CADM3: variants seen among roughly 807,000 people sequenced by gnomAD.
The protein encoded by CADM3 is cell adhesion molecule 3, also known as TSLC1-like 1.
A neutral mutation model predicts 44.9 loss-of-function variants in CADM3; 11 were observed. That is an observed-to-expected ratio of 0.25 (90% CI 0.15 to 0.41). CADM3 has a LOEUF of 0.41. Ranked by LOEUF, CADM3 falls within the 10% of genes least tolerant of loss-of-function variation. The pLI is 1.00. For missense variants in CADM3, 426 were observed against 512.0 expected, an observed-to-expected ratio of 0.83 and a Z score of 1.62; for synonymous variants, 207 against 205.2, an observed-to-expected ratio of 1.01 and a Z score of -0.08.
At position 159,182,061 on chromosome 1, in the gene CADM3, C is replaced by G. The variant is rs2746040; in HGVS notation, c.89-9875C>G. On this transcript the variant is annotated intron_variant, in intron 1 of 8. Transcript: ENST00000368125. Reference sequence around the variant, plus strand: ...ATGCCAGCAAGCACACAGACAGACACACACACACACACACACACACACACA... The same window carrying G: ...ATGCCAGCAAGCACACAGACAGACAGACACACACACACACACACACACACA... 5.3e-3 allele frequency among the ~76,000 whole-genome samples: 634 copies of G among 118,872 alleles called. 4 individuals are homozygous for G. Among genetic ancestry groups the G allele is most frequent in the African/African-American group, 0.023 (593 of 25,610 alleles). The allele number at this position is 118,872 out of a possible 152,430, so 78.0% of individuals were successfully genotyped here.
At chr1:159,195,492 C>T (rs1487474404) in intron 5 of CADM3, 3 of 152,202 alleles carry the variant, frequency 2.0e-5, no homozygotes, top group African/African-American at 7.2e-5. Flanking sequence ...GGCAGTTACT[C>T]GCCAGGGACC....
Position 159,192,050 on chromosome 1 carries a change from A to G in CADM3, c.203A>G (p.Gln68Arg). ...SSLQWSNPAQ[Q>R]TLYFGEKRAL... Reference sequence around the variant, plus strand: ...CTGCAATGGTCTAACCCTGCTCAGCAGACTCTCTACTTTGGGGAGAAGAGA... The same window carrying G: ...CTGCAATGGTCTAACCCTGCTCAGCGGACTCTCTACTTTGGGGAGAAGAGA... Residue 68 changes from glutamine to arginine, a missense_variant, in exon 2 of 9, where the codon CAG (glutamine) becomes CGG (arginine). By Grantham distance (43) the Gln-to-Arg change is conservative. Around this residue, in one of 2 missense-constraint regions of CADM3, gnomAD observed 362 missense variants for 474.6 expected, o/e 0.76. Coordinates refer to ENST00000368125, the MANE Select transcript of CADM3 (RefSeq NM_001127173.3). 1.2e-6 allele frequency: 2 copies of G among 1,614,158 alleles called. No individual in the cohort carries two copies. The highest frequency in any genetic ancestry group is 1.7e-6 in the Non-Finnish European group (2 of 1,180,050).
chr1:159,197,147 C>A (rs1649938737), intron 7 of CADM3, 87 bp downstream of exon 7: 2 of 1,425,712 alleles, frequency 1.4e-6, no homozygotes, highest in Admixed American at 3.6e-5. Flanking sequence ...GATAACATCC[C>A]CAAACTGTGA....
At chr1:159,181,431 A>G (rs535896545) in intron 1 of CADM3, among the ~76,000 whole-genome samples, 1 of 152,292 alleles carries the variant, frequency 6.6e-6, no homozygotes, top group East Asian at 1.9e-4. Context: ...CAGGGCTGTT[A>G]TCATCCTGTC....
chr1:159,191,082 G>A (rs1321524676), intron 1 of CADM3, among the ~76,000 whole-genome samples: 3 of 152,208 alleles, frequency 2.0e-5, no homozygotes, highest in African/African-American at 7.2e-5. Context: ...TCCCCGGTAG[G>A]CGTGACCAGA....
At chr1:159,200,687 A>C in intron 8 of CADM3, 117 bp from the exon 9 acceptor site, 1 of 675,334 alleles carries the variant, frequency 1.5e-6, no homozygotes, top group Non-Finnish European at 2.5e-6. Context: ...GAAGAGAGCT[A>C]TTGGCAAGAG....
rs1197139587 is a variant in CADM3, at chr1:159,201,051, CT to C, written c.*130del. ...CTTGCTCCCCAGCCCACCCACCCCC[CT>C]GTACAGAATGTCTGCTTTGGGTGCG... On this transcript the variant is annotated 3_prime_UTR_variant, in exon 9 of 9. Transcript: ENST00000368125. The C allele has an allele frequency of 2.4e-6, 1 of 409,600 alleles. No homozygotes were observed. The highest frequency in any genetic ancestry group is 4.3e-6 in the Non-Finnish European group (1 of 231,280). The allele number at this position is 409,600 out of a possible 1,614,324, so 25.4% of individuals were successfully genotyped here.
chr1:159,176,358 T>C (rs1042488036), intron 1 of CADM3, among the ~76,000 whole-genome samples: 3 of 152,186 alleles, frequency 2.0e-5, no homozygotes, highest in African/African-American at 7.2e-5. Flanking sequence ...GGGGTCTTGT[T>C]TTAGAGGTCC....
intron 6 of CADM3, 148 bp from the exon 7 acceptor site, chr1:159,196,743 G>A (rs555479940): frequency 4.6e-5 from 36 of 777,188 alleles, no homozygotes; most frequent in South Asian, 2.5e-4. Flanking sequence ...GCCACCTGGC[G>A]TATAGCAGCT....
Position 159,199,867 on chromosome 1 carries a change from C to A in CADM3, c.1069C>A (p.Arg357=). The part of the protein sequence containing the change: ...MLIFLGHYLI[R]HKGTYLTHEA... The stretch of plus-strand genomic sequence containing the variant: ...CATCTTCCTTGGCCACTACTTGATC[C>A]GGCACAAAGGTCAGAGGCACAAAGA... Residue 357 remains arginine (R), a synonymous_variant, in exon 8 of 9, where the codon CGG becomes AGG. Transcript: ENST00000368125. 2 of 1,613,814 alleles carry A rather than the reference C, an allele frequency of 1.2e-6. No individual in the cohort carries two copies. The highest frequency in any genetic ancestry group is 1.1e-5 in the South Asian group (1 of 91,024).
chr1:159,191,624 GGA>G (rs1441802750), intron 1 of CADM3, among the ~76,000 whole-genome samples: 1 of 152,210 alleles, frequency 6.6e-6, no homozygotes, highest in African/African-American at 2.4e-5. Flanking sequence ...AGACACATGT[GGA>G]GTGGTATGTG....
At chr1:159,184,285 G>A (rs1649339218) in intron 1 of CADM3, among the ~76,000 whole-genome samples, 1 of 152,132 alleles carries the variant, frequency 6.6e-6, no homozygotes, top group Admixed American at 6.5e-5. Flanking sequence ...TCTAAAAGTG[G>A]GTCCCTTCAG....
At chr1:159,189,701 A>G in intron 1 of CADM3, 1 of 1,180,910 alleles carries the variant, frequency 8.5e-7, no homozygotes, top group South Asian at 1.4e-5. Flanking sequence ...ATGCCCAGCA[A>G]TGAAAGTAGA....
chr1:159,194,220 G>T (rs1292960946), intron 5 of CADM3, 180 bp downstream of exon 5: 5 of 586,710 alleles, frequency 8.5e-6, no homozygotes, highest in African/African-American at 1.9e-5. Flanking sequence ...GCCCAGTAAT[G>T]AATATTTTAG....
At chr1:159,196,164 A>T (rs1649881016) in intron 5 of CADM3, 200 bp from the exon 6 acceptor site, 1 of 554,106 alleles carries the variant, frequency 1.8e-6, no homozygotes, top group East Asian at 3.0e-5. Flanking sequence ...ATCCTATCAC[A>T]CAAGGTTGCA....
chr1:159,193,304 A>G (rs2102125181), intron 3 of CADM3, 119 bp from the exon 4 acceptor site: 2 of 1,075,338 alleles, frequency 1.9e-6, no homozygotes, highest in East Asian at 2.4e-5. Flanking sequence ...CTAGTCTTCT[A>G]CCCATCAGAA....
chr1:159,171,953 G>A, intron 1 of CADM3, 100 bp downstream of exon 1: 1 of 762,006 alleles, frequency 1.3e-6, no homozygotes, highest in Non-Finnish European at 1.8e-6. Flanking sequence ...GCTTTGTTTG[G>A]AACCGGGGTT....
intron 5 of CADM3, chr1:159,194,326 G>C (rs559140942): frequency 3.1e-5 from 8 of 261,102 alleles, no homozygotes; most frequent in Non-Finnish European, 5.8e-5. Context: ...GAGCTGGGCT[G>C]TGTTCCAGTA....
At chr1:159,188,344 T>C (rs1324093561) in intron 1 of CADM3, among the ~76,000 whole-genome samples, 1 of 146,796 alleles carries the variant, frequency 6.8e-6, no homozygotes, top group Admixed American at 6.8e-5. Context: ...CTCGCCTCTC[T>C]TTCCCTTTGC....
Sources: allele counts gnomAD v4.1 joint callset (sites outside exome capture counted in the v4.1 genomes callset), GRCh38; gene constraint gnomAD v4.1.1; regional missense constraint gnomAD v4.1.1; transcripts MANE v1.5; gene names NCBI Gene and HGNC (gene_info 2026-07-23, HGNC 2026-07-21).